Variants in FEZ2 observed in about 807,000 individuals in gnomAD.
FEZ2 encodes the protein fasciculation and elongation protein zeta 2.
FEZ2 carries 51 observed loss-of-function variants against 40.4 expected under a neutral mutation model. The observed-to-expected ratio is 1.26, with a 90% CI of 1.01 to 1.59. The LOEUF (loss-of-function observed/expected upper bound fraction) is 1.59, where lower values mean the gene tolerates loss of function less well. Ranked by LOEUF, FEZ2 falls within the 40% of genes most tolerant of loss-of-function variation. The probability of loss-of-function intolerance (pLI) is 0.00; values close to 1 mark genes in which losing one functional copy is unlikely to be tolerated. For synonymous variants in FEZ2, 242 were observed against 172.0 expected, an observed-to-expected ratio of 1.41 and a Z score of -3.18; for missense variants, 640 against 438.3, an observed-to-expected ratio of 1.46 and a Z score of -4.11.
intron 5 of FEZ2, among the ~76,000 whole-genome samples, chr2:36,566,461 C>T (rs1206341696): frequency 1.3e-5 from 2 of 151,974 alleles, no homozygotes; most frequent in African/African-American, 4.8e-5. Flanking sequence ...ATAAATTCAA[C>T]TCAAGTTCTC....
Position 36,555,796 on chromosome 2 carries a change from C to A in FEZ2, c.980-48G>T, listed in dbSNP as rs1481925936. On this transcript the variant is annotated intron_variant, in intron 6 of 7. Transcript: ENST00000405912. Reference sequence around the variant, plus strand: ...AAAGACAACAATTAAAAATTTAGATCAAAAATATTATTTAATTTCAATCAT... The same window carrying A: ...AAAGACAACAATTAAAAATTTAGATAAAAAATATTATTTAATTTCAATCAT... 7 of 1,058,506 alleles carry A rather than the reference C, an allele frequency of 6.6e-6. No homozygotes were observed. In the East Asian group the frequency reaches 1.0e-4, roughly 15 times the overall value. 65.6% of individuals were successfully genotyped at this position (1,058,506 alleles called of 1,614,324 possible). A position where few individuals can be genotyped will look rare whatever the true frequency, so the allele number is the denominator to read the frequency against.
In FEZ2 at chr2:36,578,878, G is replaced by T. The variant is rs2072534; in HGVS notation, c.635-13C>A. On this transcript the variant is annotated splice_polypyrimidine_tract_variant and intron_variant, in intron 4 of 7. Transcript: ENST00000405912. ...AGCCTTTTCACTCCTGTGACCAAAA[G>T]CAAAATACAGCAGATATTAAGACAA... 3 of 1,595,580 alleles carry T rather than the reference G, an allele frequency of 1.9e-6. No homozygotes were observed. The highest frequency in any genetic ancestry group is 2.6e-6 in the Non-Finnish European group (3 of 1,172,540).
At position 36,578,575 on chromosome 2, in the gene FEZ2, C is replaced by T. The variant is rs369358126; in HGVS notation, c.903+22G>A. ...CAGAACCTGTTTCCAGTGTTCGACG[C>T]CTCCTGCAAAACATCACTTACTGTG... On this transcript the variant is annotated intron_variant, in intron 5 of 7. Transcript: ENST00000405912. 1.1e-5 allele frequency: 17 copies of T among 1,599,582 alleles called. No individual in the cohort carries two copies. The African/African-American group carries it at 2.0e-4, about 19-fold the overall frequency.
Position 36,578,659 on chromosome 2 carries a change from T to TTTTC in FEZ2, c.837_840dup (p.Lys281GlufsTer15). 6.2e-7 allele frequency: 1 copy of TTTTC among 1,613,730 alleles called. No individual in the cohort carries two copies. Among genetic ancestry groups the TTTTC allele is most frequent in the Non-Finnish European group, 8.5e-7 (1 of 1,179,834 alleles). ...TGAGAGCTGCCATTTTTTAGTTTCT[T>TTTTC]TTTCTTTTTTGCTGTTTCTTTGTGC... On this transcript the variant is annotated frameshift_variant, in exon 5 of 8. Transcript: ENST00000405912. LOFTEE classifies it high-confidence loss of function.
chr2:36,563,938 C>T (rs760569016), intron 5 of FEZ2, among the ~76,000 whole-genome samples: 2 of 152,188 alleles, frequency 1.3e-5, no homozygotes, highest in African/African-American at 4.8e-5. Flanking sequence ...CCCTTAAATG[C>T]CAGTGTTCCC....
chr2:36,571,021 G>A (rs1052542020), intron 5 of FEZ2, among the ~76,000 whole-genome samples: 2 of 152,074 alleles, frequency 1.3e-5, no homozygotes, highest in African/African-American at 4.8e-5. Context: ...TTAACTGATG[G>A]ATCATGAAAG....
intron 5 of FEZ2, among the ~76,000 whole-genome samples, chr2:36,560,418 C>T (rs1202046606): frequency 3.3e-5 from 5 of 152,248 alleles, no homozygotes; most frequent in Admixed American, 1.3e-4. Context: ...TGACATCTTG[C>T]GACTTAGACT....
chr2:36,578,550 C>T (rs749218311), intron 5 of FEZ2, 47 bp downstream of exon 5: 3 of 1,574,500 alleles, frequency 1.9e-6, no homozygotes, highest in Non-Finnish European at 2.6e-6. Context: ...GGGACTACCA[C>T]AGAACCTGTT....
intron 1 of FEZ2, among the ~76,000 whole-genome samples, chr2:36,592,220 G>C (rs1413706522): frequency 6.6e-6 from 1 of 152,104 alleles, no homozygotes; most frequent in Non-Finnish European, 1.5e-5. Flanking sequence ...CTTTCCAAGT[G>C]TGTAAGACAC....
chr2:36,553,017 A>C lies in FEZ2; in HGVS notation c.*146T>G. 1.6e-6 allele frequency: 1 copy of C among 618,544 alleles called. No individual in the cohort carries two copies. Among genetic ancestry groups the C allele is most frequent in the Non-Finnish European group, 2.9e-6 (1 of 345,326 alleles). 38.3% of individuals were successfully genotyped at this position (618,544 alleles called of 1,614,324 possible). ...CGTTGGTTCTATAATATAAAGAATT[A>C]GTGTAGTCAAGATCTGTTAATACTG... On this transcript the variant is annotated 3_prime_UTR_variant, in exon 8 of 8. Coordinates refer to ENST00000405912, the MANE Select transcript of FEZ2 (RefSeq NM_005102.3).
chr2:36,589,202 G>A (rs1668996515), intron 2 of FEZ2, among the ~76,000 whole-genome samples: 1 of 152,178 alleles, frequency 6.6e-6, no homozygotes, highest in Non-Finnish European at 1.5e-5. Flanking sequence ...GACAGACCCA[G>A]AAACATATGA....
rs762182519 is a variant in FEZ2, at chr2:36,581,303, G to C, written c.621C>G (p.Gly207=). The change falls in exon 4 of 8, where the codon GGC becomes GGG. Residue 207 remains glycine (G), a synonymous_variant. Coordinates refer to ENST00000405912, the MANE Select transcript of FEZ2 (RefSeq NM_005102.3). ...AGGCTCCCTTACTCTCTTCATAACT[G>C]CCGGTACTAGACCTCTTGAGAGTTT... ...EIQTLKRSST[G]SYEERVKRLS... The C allele has an allele frequency of 1.9e-6, 3 of 1,613,616 alleles. No individual in the cohort carries two copies. The highest frequency in any genetic ancestry group is 2.5e-6 in the Non-Finnish European group (3 of 1,179,694).
At chr2:36,558,606 T>C in intron 5 of FEZ2, 93 bp from the exon 6 acceptor site, 1 of 607,048 alleles carries the variant, frequency 1.6e-6, no homozygotes. Context: ...TATCTGATAA[T>C]ATAAAACACA....
At position 36,559,990 on chromosome 2, in the gene FEZ2, C is replaced by T. The variant is rs3770800; in HGVS notation, c.904-1477G>A. Among the ~76,000 whole-genome samples the T allele has an allele frequency of 0.017, 2,615 of 152,304 alleles. 386 individuals are homozygous for T. The East Asian group carries it at 0.39, about 23-fold the overall frequency. On this transcript the variant is annotated intron_variant, in intron 5 of 7. Coordinates refer to ENST00000405912, the MANE Select transcript of FEZ2 (RefSeq NM_005102.3). ...AAAAACTCCAGGCATTTGATCTAGG[C>T]GTTCTTTTGCTAAACTTCCTACAAG...
At chr2:36,570,757 GGTAA>G (rs753678032) in intron 5 of FEZ2, among the ~76,000 whole-genome samples, 2 of 152,124 alleles carry the variant, frequency 1.3e-5, no homozygotes, top group Non-Finnish European at 2.9e-5. Flanking sequence ...GTAACACAAT[GGTAA>G]GTATTTGTGT....
rs138976243 is a variant in FEZ2, at chr2:36,578,024, A to C, written c.903+573T>G. Reference sequence around the variant, plus strand: ...AAAGGGTCAGCGTTTCAGATGTTCTAAACTTGTTTTCACCAGTCAGAAATA... The same window carrying C: ...AAAGGGTCAGCGTTTCAGATGTTCTCAACTTGTTTTCACCAGTCAGAAATA... On this transcript the variant is annotated intron_variant, in intron 5 of 7. Transcript: ENST00000405912. 1.4e-3 allele frequency among the ~76,000 whole-genome samples: 211 copies of C among 152,348 alleles called. 1 individual carries two copies. The highest frequency in any genetic ancestry group is 4.8e-3 in the African/African-American group (201 of 41,588).
chr2:36,571,608 T>C (rs1398987908), intron 5 of FEZ2, among the ~76,000 whole-genome samples: 1 of 151,548 alleles, frequency 6.6e-6, no homozygotes, highest in African/African-American at 2.4e-5. Flanking sequence ...TGGGCCCAGA[T>C]GGCACCACTG....
chr2:36,553,012 G>T lies in FEZ2; in HGVS notation c.*151C>A, dbSNP rs1269610129. 1.6e-5 allele frequency: 10 copies of T among 606,074 alleles called. No homozygotes were observed. Among genetic ancestry groups the T allele is most frequent in the Non-Finnish European group, 2.4e-5 (8 of 338,668 alleles). The allele number at this position is 606,074 out of a possible 1,614,324, so 37.5% of individuals were successfully genotyped here. A position where few individuals can be genotyped will look rare whatever the true frequency, so the allele number is the denominator to read the frequency against. ...ATTTCCGTTGGTTCTATAATATAAA[G>T]AATTAGTGTAGTCAAGATCTGTTAA... On this transcript the variant is annotated 3_prime_UTR_variant, in exon 8 of 8. Coordinates refer to ENST00000405912, the MANE Select transcript of FEZ2 (RefSeq NM_005102.3).
At position 36,593,137 on chromosome 2, in the gene FEZ2, T is replaced by C. The variant is rs144142866; in HGVS notation, c.267-2126A>G. Among the ~76,000 whole-genome samples the C allele has an allele frequency of 2.9e-3, 445 of 152,316 alleles. 2 individuals are homozygous for C. The highest frequency in any genetic ancestry group is 0.01 in the African/African-American group (426 of 41,572). On this transcript the variant is annotated intron_variant, in intron 1 of 7. Coordinates refer to ENST00000405912, the MANE Select transcript of FEZ2 (RefSeq NM_005102.3). ...CAGCTGATAAAGACATACCCAAGAC[T>C]GGGACGAAAAAGAGGTTTAATTGGA... is the stretch of plus-strand genomic sequence containing the variant.
Sources: allele counts gnomAD v4.1 joint callset (sites outside exome capture counted in the v4.1 genomes callset), GRCh38; gene constraint gnomAD v4.1.1; transcripts MANE v1.5; gene names NCBI Gene and HGNC (gene_info 2026-07-23, HGNC 2026-07-21).